NCOA2: variants seen among roughly 807,000 people sequenced by gnomAD.
NCOA2 encodes class E basic helix-loop-helix protein 75.
In NCOA2, 21 loss-of-function variants were observed where a neutral mutation model predicts 145.1. The observed-to-expected ratio is 0.14, with a 90% CI of 0.10 to 0.21. The LOEUF is 0.21. NCOA2 is among the 10% of genes least tolerant of loss of function. The pLI is 1.00. For synonymous variants in NCOA2, 619 were observed against 637.5 expected (o/e 0.97, Z 0.44); for missense variants, 1,472 against 1,837.6 (o/e 0.80, Z 3.64).
At chr8:70,201,049 CAAAAAAA>C (rs60951750) in intron 4 of NCOA2, among the ~76,000 whole-genome samples, 4 of 63,930 alleles carry the variant, frequency 6.3e-5, no homozygotes, top group South Asian at 7.2e-4. Context: ...GACTGTGTCT[CAAAAAAA>C]AAAAAAAAAA....
In NCOA2 at chr8:70,374,371, C is replaced by G. The variant is rs768380635; in HGVS notation, c.-77+29329G>C. The stretch of plus-strand genomic sequence containing the variant: ...CCTGTAATCTCAGCTACTAGGGAGG[C>G]TGAGACAGGAGAATTGCTTGAAGCC... On this transcript the variant is annotated intron_variant, in intron 1 of 22. Coordinates refer to ENST00000452400, the MANE Select transcript of NCOA2 (RefSeq NM_006540.4). 1.6e-3 allele frequency among the ~76,000 whole-genome samples: 244 copies of G among 151,436 alleles called. 2 individuals are homozygous for G. The highest frequency in any genetic ancestry group is 2.0e-3 in the Non-Finnish European group (139 of 67,924).
upstream of NCOA2, among the ~76,000 whole-genome samples, chr8:70,404,757 T>C (rs1325492466): frequency 6.6e-6 from 1 of 152,188 alleles, no homozygotes; most frequent in Non-Finnish European, 1.5e-5. Flanking sequence ...AACAAAGTAC[T>C]GAGGGGACGT....
At chr8:70,232,316 A>C (rs190699753) in intron 2 of NCOA2, among the ~76,000 whole-genome samples, 2 of 152,128 alleles carry the variant, frequency 1.3e-5, no homozygotes, top group Admixed American at 6.5e-5. Flanking sequence ...TTCCACCATA[A>C]GGGGAAGCTG....
At chr8:70,447,114 G>A in the NCOA2 span, among the ~76,000 whole-genome samples, 1 of 152,160 alleles carries the variant, frequency 6.6e-6, no homozygotes, top group Non-Finnish European at 1.5e-5. Context: ...TTTCTCTTTG[G>A]CAATCACAGA....
chr8:70,375,658 TTGC>T (rs1225791813), intron 1 of NCOA2, among the ~76,000 whole-genome samples: 1 of 152,196 alleles, frequency 6.6e-6, no homozygotes, highest in Non-Finnish European at 1.5e-5. Flanking sequence ...CTAACTTCAA[TTGC>T]TGATCAGAAA....
intron 8 of NCOA2, 50 bp downstream of exon 8, chr8:70,163,415 G>A (rs757320171): frequency 7.4e-7 from 1 of 1,350,724 alleles, no homozygotes; most frequent in African/African-American, 1.4e-5. Context: ...TCCCAAATAT[G>A]TAAGTATTCT....
At chr8:70,210,014 C>T (rs1818849476) in intron 4 of NCOA2, among the ~76,000 whole-genome samples, 1 of 152,198 alleles carries the variant, frequency 6.6e-6, no homozygotes, top group Non-Finnish European at 1.5e-5. Context: ...AAGTTCTAAA[C>T]ATTTATGACT....
intron 2 of NCOA2, among the ~76,000 whole-genome samples, chr8:70,277,425 G>A (rs1324091581): frequency 6.6e-6 from 1 of 152,076 alleles, no homozygotes; most frequent in Non-Finnish European, 1.5e-5. Flanking sequence ...TGGTTCTTCT[G>A]TAAAGATGTT....
intron 1 of NCOA2, among the ~76,000 whole-genome samples, chr8:70,329,858 G>A (rs1206679195): frequency 6.6e-6 from 1 of 152,032 alleles, no homozygotes; most frequent in Non-Finnish European, 1.5e-5. Context: ...TAAAGTTCAA[G>A]AACAGGTAAA....
At position 70,224,764 on chromosome 8, in the gene NCOA2, TTTAA is replaced by T. The variant is rs1294635179; in HGVS notation, c.-19-8004_-19-8001del. Among the ~76,000 whole-genome samples, 19 of 141,588 alleles carry T rather than the reference TTTAA, an allele frequency of 1.3e-4. No individual in the cohort carries two copies. The East Asian group carries it at 2.1e-3, about 16-fold the overall frequency. 92.9% of individuals were successfully genotyped at this position (141,588 alleles called of 152,430 possible). A position where few individuals can be genotyped will look rare whatever the true frequency, so the allele number is the denominator to read the frequency against. On this transcript the variant is annotated intron_variant, in intron 2 of 22. Coordinates refer to ENST00000452400, the MANE Select transcript of NCOA2 (RefSeq NM_006540.4). ...ACTCACACTTGATACGTTACATATA[TTTAA>T]TTAATTTATTATATTACATATATAT... is the stretch of plus-strand genomic sequence containing the variant.
chr8:70,124,146 C>A, intron 20 of NCOA2, 64 bp from the exon 21 acceptor site: 1 of 1,488,484 alleles, frequency 6.7e-7, no homozygotes, highest in South Asian at 1.3e-5. Flanking sequence ...GCAGGCAGCT[C>A]AGGGCACTTG....
chr8:70,166,420 A>G, intron 7 of NCOA2, 146 bp downstream of exon 7: 1 of 925,002 alleles, frequency 1.1e-6, no homozygotes, highest in Non-Finnish European at 1.7e-6. Context: ...AAGACTTAAA[A>G]ATTTCCATCA....
At chr8:70,208,273 T>C (rs1223424439) in intron 4 of NCOA2, among the ~76,000 whole-genome samples, 1 of 151,228 alleles carries the variant, frequency 6.6e-6, no homozygotes, top group Non-Finnish European at 1.5e-5. Flanking sequence ...TATGAGAAGA[T>C]GCAGAAGATA....
At chr8:70,402,876 C>T (rs918619107) in intron 1 of NCOA2, among the ~76,000 whole-genome samples, 1 of 146,642 alleles carries the variant, frequency 6.8e-6, no homozygotes, top group Non-Finnish European at 1.5e-5. Context: ...GGCCCGGCCC[C>T]CGGCTCCCCG....
intron 4 of NCOA2, among the ~76,000 whole-genome samples, chr8:70,193,361 A>G (rs1174904031): frequency 1.3e-5 from 2 of 152,194 alleles, no homozygotes; most frequent in Non-Finnish European, 2.9e-5. Flanking sequence ...AATCTCAGAA[A>G]AAGAAAAGGT....
intron 3 of NCOA2, among the ~76,000 whole-genome samples, chr8:70,215,456 G>T (rs777850278): frequency 6.6e-6 from 1 of 152,174 alleles, no homozygotes; most frequent in Non-Finnish European, 1.5e-5. Flanking sequence ...GGTTTACCAG[G>T]AAGTAGTAGG....
Position 70,240,408 on chromosome 8 carries a change from T to C in NCOA2, c.-19-23644A>G, listed in dbSNP as rs1449386671. Reference sequence around the variant, plus strand: ...TCTGAAACACTTGGCCCATTGTAGGTACTCCACAAATAACACTCCCTATTC... The same window carrying C: ...TCTGAAACACTTGGCCCATTGTAGGCACTCCACAAATAACACTCCCTATTC... On this transcript the variant is annotated intron_variant, in intron 2 of 22. Coordinates refer to ENST00000452400, the MANE Select transcript of NCOA2 (RefSeq NM_006540.4). Among the ~76,000 whole-genome samples the C allele has an allele frequency of 2.0e-5, 3 of 152,200 alleles. 1 individual carries two copies. The highest frequency in any genetic ancestry group is 2.0e-4 in the Admixed American group (3 of 15,272).
chr8:70,256,490 A>T (rs562504900), intron 2 of NCOA2, among the ~76,000 whole-genome samples: 19 of 152,290 alleles, frequency 1.2e-4, no homozygotes, highest in African/African-American at 4.1e-4. Flanking sequence ...TTGTTTCATT[A>T]TATTTTCCAA....
chr8:70,323,796 T>A (rs530069097), intron 1 of NCOA2, among the ~76,000 whole-genome samples: 13 of 152,268 alleles, frequency 8.5e-5, no homozygotes, highest in South Asian at 4.1e-4. Context: ...AGAAAAAAAA[T>A]AGTTTTTAAA....
Sources: allele counts gnomAD v4.1 joint callset (sites outside exome capture counted in the v4.1 genomes callset), GRCh38; gene constraint gnomAD v4.1.1; transcripts MANE v1.5; gene names NCBI Gene and HGNC (gene_info 2026-07-23, HGNC 2026-07-21).